Variants in PIGK observed in about 807,000 individuals in gnomAD.
PIGK encodes the protein phosphatidylinositol glycan anchor biosynthesis class K, also known as GPI-anchor transamidase.
PIGK carries 42 observed loss-of-function variants against 50.6 expected under a neutral mutation model. The observed-to-expected ratio is 0.83, with a 90% CI of 0.65 to 1.07. PIGK has a LOEUF of 1.07. PIGK is among the 50% of genes least tolerant of loss of function. The pLI, the probability that PIGK is intolerant of heterozygous loss-of-function variation, is 0.00. For missense variants in PIGK, 448 were observed against 488.7 expected (o/e 0.92, Z 0.78); for synonymous variants, 151 against 156.0 (o/e 0.97, Z 0.24).
At chr1:77,184,325 T>A (rs1403712856) in intron 3 of PIGK, among the ~76,000 whole-genome samples, 1 of 152,106 alleles carries the variant, frequency 6.6e-6, no homozygotes, top group Non-Finnish European at 1.5e-5. Context: ...AAACAGAGAA[T>A]CATGGCCCCT....
chr1:77,112,708 C>T (rs1653881987), intron 10 of PIGK, among the ~76,000 whole-genome samples: 1 of 151,974 alleles, frequency 6.6e-6, no homozygotes, highest in African/African-American at 2.4e-5. Flanking sequence ...GTATAATGCA[C>T]CTTTTTTTCC....
At chr1:77,170,113 C>G (rs1272504161) in intron 3 of PIGK, among the ~76,000 whole-genome samples, 2 of 152,162 alleles carry the variant, frequency 1.3e-5, no homozygotes, top group East Asian at 3.8e-4. Flanking sequence ...AGTGATCTTC[C>G]TTAAATAAGT....
intron 9 of PIGK, among the ~76,000 whole-genome samples, chr1:77,124,568 C>A (rs1654182615): frequency 6.6e-6 from 1 of 151,198 alleles, no homozygotes; most frequent in Admixed American, 6.6e-5. Context: ...AAGACTGCGC[C>A]ACTGCACTCC....
In PIGK at chr1:77,169,244, A is replaced by T; in HGVS notation, c.375+16T>A. 2 of 1,486,598 alleles carry T rather than the reference A, an allele frequency of 1.3e-6. No homozygotes were observed. The highest frequency in any genetic ancestry group is 1.8e-6 in the Non-Finnish European group (2 of 1,099,660). The allele number at this position is 1,486,598 out of a possible 1,614,324, so 92.1% of individuals were successfully genotyped here. A position where few individuals can be genotyped will look rare whatever the true frequency, so the allele number is the denominator to read the frequency against. On this transcript the variant is annotated intron_variant, in intron 4 of 10. Transcript: ENST00000370812. ...ACAATGCCATTTTAAAAATGTGGCTAGATTAAAGAATTTACCTCGTAACTT... is the reference window on the plus strand; with the variant it reads ...ACAATGCCATTTTAAAAATGTGGCTTGATTAAAGAATTTACCTCGTAACTT...
chr1:77,094,397 T>C (rs1445383892), intron 10 of PIGK, among the ~76,000 whole-genome samples: 1 of 152,166 alleles, frequency 6.6e-6, no homozygotes, highest in African/African-American at 2.4e-5. Flanking sequence ...AACTCTTAAC[T>C]AAGGAGAACA....
intron 3 of PIGK, among the ~76,000 whole-genome samples, chr1:77,184,754 CT>C (rs1320458075): frequency 6.6e-6 from 1 of 152,202 alleles, no homozygotes; most frequent in African/African-American, 2.4e-5. Flanking sequence ...TTCTTAACAG[CT>C]GGCAGAACCC....
At chr1:77,168,517 T>C (rs986731576) in intron 4 of PIGK, among the ~76,000 whole-genome samples, 1 of 151,960 alleles carries the variant, frequency 6.6e-6, no homozygotes, top group Non-Finnish European at 1.5e-5. Flanking sequence ...TTTAATTCAA[T>C]GAGCCAACAT....
chr1:77,109,118 T>C (rs944893385), intron 10 of PIGK, among the ~76,000 whole-genome samples: 4 of 152,138 alleles, frequency 2.6e-5, no homozygotes, highest in East Asian at 1.9e-4. Context: ...CAATAACTAA[T>C]AGCTTACCAA....
intron 9 of PIGK, among the ~76,000 whole-genome samples, chr1:77,143,591 T>C (rs576619755): frequency 1.3e-5 from 2 of 152,232 alleles, no homozygotes; most frequent in African/African-American, 4.8e-5. Flanking sequence ...ATCAAAATTA[T>C]TTTTCTCTAC....
At position 77,194,433 on chromosome 1, in the gene PIGK, A is replaced by T. The variant is rs190882598; in HGVS notation, c.239+12207T>A. ...TGGATAAAGAAAAATGTAGTACATA[A>T]CACCATGAAATACTACACAGCCATA... is the stretch of plus-strand genomic sequence containing the variant. On this transcript the variant is annotated intron_variant, in intron 3 of 10. Coordinates refer to ENST00000370812, the MANE Select transcript of PIGK (RefSeq NM_005482.3). Among the ~76,000 whole-genome samples the T allele has an allele frequency of 1.1e-4, 17 of 152,312 alleles. No individual in the cohort carries two copies. In the East Asian group the frequency reaches 3.3e-3, roughly 29 times the overall value.
chr1:77,147,259 A>G (rs1454302289), intron 9 of PIGK, among the ~76,000 whole-genome samples: 3 of 152,042 alleles, frequency 2.0e-5, no homozygotes, highest in Admixed American at 6.5e-5. Flanking sequence ...CCATGATTCA[A>G]TTATCTCCCA....
At chr1:77,115,931 T>C (rs1023948884) in intron 10 of PIGK, among the ~76,000 whole-genome samples, 4 of 152,126 alleles carry the variant, frequency 2.6e-5, no homozygotes, top group African/African-American at 9.7e-5. Context: ...GTAGGAGGTC[T>C]TGTATCTGAA....
At chr1:77,111,139 A>G (rs1653830825) in intron 10 of PIGK, among the ~76,000 whole-genome samples, 1 of 152,198 alleles carries the variant, frequency 6.6e-6, no homozygotes, top group African/African-American at 2.4e-5. Context: ...AGAAATAGGA[A>G]CACTTTTACA....
chr1:77,123,984 A>T (rs908880688), intron 9 of PIGK, among the ~76,000 whole-genome samples: 1 of 151,616 alleles, frequency 6.6e-6, no homozygotes, highest in Non-Finnish European at 1.5e-5. Context: ...TAAGAGGAGG[A>T]GCGCAGGACA....
Position 77,161,591 on chromosome 1 carries a change from T to C in PIGK, c.702+3A>G, listed in dbSNP as rs777921812. On this transcript the variant is annotated splice_donor_region_variant and intron_variant, in intron 7 of 10. Transcript: ENST00000370812. ...AGTTTACAAATGGGGAAAATGCACA[T>C]ACCGAGAGTGAATCTTCTCCCACTT... The C allele has an allele frequency of 7.6e-7, 1 of 1,309,346 alleles. No homozygotes were observed. Among genetic ancestry groups the C allele is most frequent in the Non-Finnish European group, 1.1e-6 (1 of 901,900 alleles). 81.1% of individuals were successfully genotyped at this position (1,309,346 alleles called of 1,614,324 possible). A position where few individuals can be genotyped will look rare whatever the true frequency, so the allele number is the denominator to read the frequency against.
At position 77,107,081 on chromosome 1, in the gene PIGK, T is replaced by C. The variant is rs1408455690; in HGVS notation, c.1072-14591A>G. Among the ~76,000 whole-genome samples the C allele has an allele frequency of 2.0e-5, 3 of 152,328 alleles. No homozygotes were observed. The East Asian group carries it at 5.8e-4, about 29-fold the overall frequency. ...ATTTTCGAAGGGTTTTTTGTGTCTCTATCTCCTTCAGTTCTGCTCTGATCT... is the reference window on the plus strand; with the variant it reads ...ATTTTCGAAGGGTTTTTTGTGTCTCCATCTCCTTCAGTTCTGCTCTGATCT... On this transcript the variant is annotated intron_variant, in intron 10 of 10. Coordinates refer to ENST00000370812, the MANE Select transcript of PIGK (RefSeq NM_005482.3).
intron 10 of PIGK, among the ~76,000 whole-genome samples, chr1:77,099,077 C>T (rs1324898027): frequency 6.6e-6 from 1 of 152,016 alleles, no homozygotes; most frequent in East Asian, 1.9e-4. Flanking sequence ...GTTTTCTTCT[C>T]AGTGGCTACA....
intron 3 of PIGK, among the ~76,000 whole-genome samples, chr1:77,189,732 TATATATATATATATATACACAC>T (rs1312397566): frequency 2.3e-3 from 74 of 32,584 alleles, no homozygotes; most frequent in African/African-American, 9.1e-3. Flanking sequence ...TATATATATA[TATATATATATATATATACACAC>T]ACACACACAC....
At chr1:77,218,925 T>G (rs1207869535) in intron 1 of PIGK, among the ~76,000 whole-genome samples, 1 of 152,170 alleles carries the variant, frequency 6.6e-6, no homozygotes, top group Non-Finnish European at 1.5e-5. Flanking sequence ...ATTATCTGGA[T>G]TCTTAAAATT....
Sources: gnomAD v4.1 joint callset for allele counts (sites outside exome capture counted in the v4.1 genomes callset) on GRCh38, gnomAD v4.1.1 for gene constraint, MANE v1.5 for transcripts, NCBI Gene and HGNC (gene_info 2026-07-23, HGNC 2026-07-21) for gene names.